The following PKHD1L1 variants were observed in gnomAD, a reference collection of about 807,000 sequenced individuals.
The protein encoded by PKHD1L1 is fibrocystin-L.
In PKHD1L1, 434 loss-of-function variants were observed where a neutral mutation model predicts 462.9. The ratio of observed to expected loss-of-function variants is 0.94; its 90% CI spans 0.87 to 1.02. PKHD1L1 has a LOEUF of 1.02. Ranked by LOEUF, PKHD1L1 falls within the 50% of genes least tolerant of loss-of-function variation. PKHD1L1 has a pLI of 0.00. For missense variants in PKHD1L1, 5,202 were observed against 5,096.1 expected (o/e 1.02, Z -0.63); for synonymous variants, 1,781 against 1,750.0 (o/e 1.02, Z -0.44).
At chr8:109,479,684 T>C in intron 54 of PKHD1L1, 45 bp downstream of exon 54, 1 of 1,250,970 alleles carries the variant, frequency 8.0e-7, no homozygotes, top group Non-Finnish European at 1.1e-6. Context: ...TTTTCTGCAA[T>C]ATTAACACTA....
At chr8:109,471,150 C>T in intron 50 of PKHD1L1, 1 of 1,321,110 alleles carries the variant, frequency 7.6e-7, no homozygotes, top group Non-Finnish European at 1.0e-6. Context: ...TTGTATTCTT[C>T]ATGAAATGTG....
intron 57 of PKHD1L1, among the ~76,000 whole-genome samples, chr8:109,483,645 C>A (rs1255026030): frequency 6.7e-6 from 1 of 149,484 alleles, no homozygotes; most frequent in Non-Finnish European, 1.5e-5. Context: ...TATTTTATGC[C>A]AATGTATATT....
At position 109,466,747 on chromosome 8, in the gene PKHD1L1, T is replaced by G; in HGVS notation, c.8583T>G (p.Asp2861Glu). 6.2e-7 allele frequency: 1 copy of G among 1,612,710 alleles called. No homozygotes were observed. The highest frequency in any genetic ancestry group is 1.1e-5 in the South Asian group (1 of 90,854). The change falls in exon 50 of 78, where the codon GAT (aspartate) becomes GAG (glutamate). Residue 2861 changes from aspartate (D) to glutamate (E), a missense_variant. Asp to Glu is a conservative substitution (Grantham distance 45). Coordinates refer to ENST00000378402, the MANE Select transcript of PKHD1L1 (RefSeq NM_177531.6). ...QPSPVSLLEK[D>E]VVLSDSFGTS... ...CTCCAGTATCTCTGCTTGAAAAGGA[T>G]GTGGTTCTTTCAGACTCTTTTGGTA... is the stretch of plus-strand genomic sequence containing the variant.
intron 17 of PKHD1L1, 125 bp downstream of exon 17, chr8:109,406,603 G>A: frequency 8.8e-7 from 1 of 1,133,422 alleles, no homozygotes; most frequent in Non-Finnish European, 1.2e-6. Context: ...AAATTAAATG[G>A]TTTTTTCTAC....
At chr8:109,522,953 G>A in intron 75 of PKHD1L1, 63 bp downstream of exon 75, 1 of 1,473,124 alleles carries the variant, frequency 6.8e-7, no homozygotes, top group East Asian at 2.5e-5. Flanking sequence ...TGAAGGATGA[G>A]CCAGTTTCAC....
chr8:109,516,209 A>G (rs1253097003), intron 72 of PKHD1L1, among the ~76,000 whole-genome samples: 1 of 152,178 alleles, frequency 6.6e-6, no homozygotes, highest in African/African-American at 2.4e-5. Context: ...TAATTTGCCA[A>G]GATAGTGGTC....
intron 9 of PKHD1L1, among the ~76,000 whole-genome samples, chr8:109,392,105 C>T (rs1812740058): frequency 1.3e-5 from 2 of 152,144 alleles, no homozygotes; most frequent in African/African-American, 4.8e-5. Flanking sequence ...TAAGACACGG[C>T]AACAGGATTT....
intron 24 of PKHD1L1, 139 bp from the exon 25 acceptor site, chr8:109,426,863 G>A: frequency 1.6e-6 from 1 of 626,758 alleles, no homozygotes; most frequent in Non-Finnish European, 2.9e-6. Flanking sequence ...ATGTTGGCCA[G>A]GCTGATCTCA....
intron 43 of PKHD1L1, 72 bp downstream of exon 43, chr8:109,452,946 C>T (rs1339508741): frequency 8.3e-7 from 1 of 1,205,376 alleles, no homozygotes; most frequent in African/African-American, 1.6e-5. Context: ...TAATCAAAAT[C>T]CACAATTATG....
intron 23 of PKHD1L1, among the ~76,000 whole-genome samples, 190 bp from the exon 24 acceptor site, chr8:109,424,895 T>G (rs1814657167): frequency 6.6e-6 from 1 of 152,096 alleles, no homozygotes; most frequent in African/African-American, 2.4e-5. Context: ...TGAGTTGACT[T>G]TGGCCTCATT....
At chr8:109,470,768 GT>G in intron 50 of PKHD1L1, 4 of 1,536,334 alleles carry the variant, frequency 2.6e-6, no homozygotes, top group Non-Finnish European at 3.6e-6. Context: ...AGGGAGGACT[GT>G]TTTTTCATAA....
Position 109,536,466 on chromosome 8 carries a change from G to GA in PKHD1L1, c.*6378dup, listed in dbSNP as rs1821148727. ...AACTACTGTTTTATGTTGGTTGTAT[G>GA]AATTTCAATACATTTACTGTTAGAA... On this transcript the variant is annotated 3_prime_UTR_variant, in exon 78 of 78. Coordinates refer to ENST00000378402, the MANE Select transcript of PKHD1L1 (RefSeq NM_177531.6). Among the ~76,000 whole-genome samples the GA allele has an allele frequency of 6.6e-6, 1 of 152,146 alleles. No individual in the cohort carries two copies. Among genetic ancestry groups the GA allele is most frequent in the Non-Finnish European group, 1.5e-5 (1 of 68,020 alleles).
chr8:109,452,201 T>A lies in PKHD1L1; in HGVS notation c.6428T>A (p.Ile2143Asn), dbSNP rs759279251. 6.2e-7 allele frequency: 1 copy of A among 1,613,396 alleles called. No homozygotes were observed. The highest frequency in any genetic ancestry group is 8.5e-7 in the Non-Finnish European group (1 of 1,179,624). ...GAGTATTCCAACAAGACACACATCA[T>A]CTGCATGACAGATGCCCATACTCTA... ...DVEYSNKTHI[I>N]CMTDAHTLSG... is the part of the protein sequence containing the mutation. The change falls in exon 42 of 78, where the codon ATC (isoleucine) becomes AAC (asparagine). Residue 2143 changes from isoleucine (I) to asparagine (N), a missense_variant. Ile to Asn is a moderately radical substitution (Grantham distance 149). Coordinates refer to ENST00000378402, the MANE Select transcript of PKHD1L1 (RefSeq NM_177531.6).
At chr8:109,401,662 A>C in intron 14 of PKHD1L1, 74 bp downstream of exon 14, 2 of 749,956 alleles carry the variant, frequency 2.7e-6, no homozygotes, top group Non-Finnish European at 4.1e-6. Context: ...AAATATTTTC[A>C]ATTTATTTTT....
intron 2 of PKHD1L1, 122 bp from the exon 3 acceptor site, chr8:109,381,248 G>A (rs909940684): frequency 4.8e-6 from 4 of 840,924 alleles, no homozygotes; most frequent in Admixed American, 2.9e-5. Context: ...ATATGAAATA[G>A]GTTCACTGCT....
At chr8:109,374,277 A>C (rs1175570962) in intron 2 of PKHD1L1, among the ~76,000 whole-genome samples, 1 of 151,804 alleles carries the variant, frequency 6.6e-6, no homozygotes, top group East Asian at 1.9e-4. Context: ...GTCTCTTTTG[A>C]TCTTTGTTGG....
chr8:109,440,187 A>G (rs988519500), intron 32 of PKHD1L1, among the ~76,000 whole-genome samples: 1 of 152,128 alleles, frequency 6.6e-6, no homozygotes, highest in Admixed American at 6.6e-5. Context: ...GCCTCCTAGC[A>G]GATGCATTAT....
rs2131061816 is a variant in PKHD1L1, at chr8:109,531,067, C to G, written c.*977C>G. 6.6e-6 allele frequency among the ~76,000 whole-genome samples: 1 copy of G among 152,232 alleles called. No individual in the cohort carries two copies. The stretch of plus-strand genomic sequence containing the variant: ...GGGAATACTTAATTTGACAGAACTC[C>G]TAATAAAGACATTGTAGCCAGATCC... On this transcript the variant is annotated 3_prime_UTR_variant, in exon 78 of 78. Coordinates refer to ENST00000378402, the MANE Select transcript of PKHD1L1 (RefSeq NM_177531.6).
chr8:109,438,454 T>A lies in PKHD1L1; in HGVS notation c.3758T>A (p.Leu1253Gln), dbSNP rs943927802. Residue 1253 changes from leucine (L) to glutamine (Q), a missense_variant and splice_region_variant, in exon 31 of 78, where the codon CTA (leucine) becomes CAA (glutamine). By Grantham distance (113) the Leu-to-Gln change is moderately radical. This residue lies in a region of PKHD1L1 where 4,497 missense variants were observed against 4,336.8 expected (regional missense o/e 1.04). Coordinates refer to ENST00000378402, the MANE Select transcript of PKHD1L1 (RefSeq NM_177531.6). ...TTTAGTCCAAAAGTACGAACAATAC[T>A]AGGTAAGAAATTCTTCAATAAGATT... ...TDFSPKVRTI[L>Q]GEVNLTIKGY... is the part of the protein sequence containing the mutation. The A allele has an allele frequency of 4.6e-6, 7 of 1,534,638 alleles. No homozygotes were observed. The Admixed American group carries it at 1.5e-4, about 32-fold the overall frequency.
Sources: gnomAD v4.1 joint callset for allele counts (sites outside exome capture counted in the v4.1 genomes callset) on GRCh38, gnomAD v4.1.1 for gene constraint, gnomAD v4.1.1 regional missense constraint, MANE v1.5 for transcripts, NCBI Gene and HGNC (gene_info 2026-07-23, HGNC 2026-07-21) for gene names.